PRIM2: variants seen among roughly 807,000 people sequenced by gnomAD.
The protein encoded by PRIM2 is DNA primase large subunit.
In PRIM2, 39 loss-of-function variants were observed where a neutral mutation model predicts 67.3. That is an observed-to-expected ratio of 0.58 (90% CI 0.45 to 0.76). PRIM2 has a LOEUF of 0.76. Among genes scored for constraint, PRIM2 ranks in the 30% least tolerant of loss-of-function variants. PRIM2 has a pLI of 0.00. For synonymous variants in PRIM2, 143 were observed against 198.7 expected (o/e 0.72, Z 2.36); for missense variants, 398 against 598.7 (o/e 0.66, Z 3.50).
intron 8 of PRIM2, among the ~76,000 whole-genome samples, chr6:57,530,286 A>G (rs1774858565): frequency 1.3e-5 from 2 of 152,242 alleles, no homozygotes; most frequent in African/African-American, 4.8e-5. Context: ...TAGAGAAGTG[A>G]CATGGCAAAG....
At chr6:57,312,437 G>A (rs1003331402), upstream of PRIM2, among the ~76,000 whole-genome samples, 2 of 152,024 alleles carry the variant, frequency 1.3e-5, no homozygotes, top group Non-Finnish European at 2.9e-5. Flanking sequence ...AGGAGGTGGA[G>A]GCTGCAGTGG....
chr6:57,454,312 A>G (rs1406155301), intron 7 of PRIM2, among the ~76,000 whole-genome samples: 1 of 152,194 alleles, frequency 6.6e-6, no homozygotes, highest in South Asian at 2.1e-4. Context: ...AAAATGAGTT[A>G]GGGAGGATTC....
At chr6:57,595,496 T>A (rs1188971771) in intron 10 of PRIM2, among the ~76,000 whole-genome samples, 3 of 151,544 alleles carry the variant, frequency 2.0e-5, no homozygotes, top group Admixed American at 1.3e-4. Flanking sequence ...GAGCTCAGTC[T>A]CACAAGACTG....
intron 7 of PRIM2, among the ~76,000 whole-genome samples, chr6:57,489,322 C>CG (rs1773824344): frequency 6.6e-6 from 1 of 152,154 alleles, no homozygotes; most frequent in Non-Finnish European, 1.5e-5. Context: ...TTTGGGAGGC[C>CG]AGCGCAGGCA....
chr6:57,632,865 G>T (rs1236168789), intron 13 of PRIM2, among the ~76,000 whole-genome samples: 1 of 152,156 alleles, frequency 6.6e-6, no homozygotes, highest in Non-Finnish European at 1.5e-5. Context: ...GATTGCATAT[G>T]GACCCCTAAC....
At chr6:57,596,784 C>A (rs1776375534) in intron 10 of PRIM2, among the ~76,000 whole-genome samples, 1 of 151,482 alleles carries the variant, frequency 6.6e-6, no homozygotes, top group Non-Finnish European at 1.5e-5. Context: ...CTTTTATTAT[C>A]TTTTAATGTA....
chr6:57,431,044 T>G (rs1480242030), intron 7 of PRIM2, among the ~76,000 whole-genome samples: 1 of 152,198 alleles, frequency 6.6e-6, no homozygotes, highest in African/African-American at 2.4e-5. Context: ...TTTTAGGTTA[T>G]ATAATTTTAG....
At chr6:57,587,580 C>T (rs1282096210) in intron 10 of PRIM2, among the ~76,000 whole-genome samples, 4 of 130,916 alleles carry the variant, frequency 3.1e-5, no homozygotes, top group Non-Finnish European at 6.2e-5. Flanking sequence ...AGGAGAAAGG[C>T]GTGAACTCGG....
intron 8 of PRIM2, among the ~76,000 whole-genome samples, chr6:57,524,556 C>T (rs1463703186): frequency 1.3e-5 from 2 of 152,018 alleles, no homozygotes; most frequent in Non-Finnish European, 2.9e-5. Context: ...ACAAAATTAG[C>T]CAGGCATGGT....
chr6:57,478,844 G>C (rs1773545984), intron 7 of PRIM2, among the ~76,000 whole-genome samples: 1 of 152,132 alleles, frequency 6.6e-6, no homozygotes, highest in South Asian at 2.1e-4. Context: ...ACGATACTCT[G>C]GTTAAAGATT....
intron 7 of PRIM2, among the ~76,000 whole-genome samples, chr6:57,436,366 G>T (rs1772014262): frequency 6.6e-6 from 1 of 152,172 alleles, no homozygotes; most frequent in African/African-American, 2.4e-5. Context: ...TTTGTCAGTT[G>T]TCACACTTTG....
At chr6:57,297,857 C>A in the PRIM2 span, among the ~76,000 whole-genome samples, 4 of 152,178 alleles carry the variant, frequency 2.6e-5, no homozygotes, top group African/African-American at 4.8e-5. Context: ...ATAGCAGGGA[C>A]ATGAAAGACA....
chr6:57,432,843 A>G (rs1022260706), intron 7 of PRIM2, among the ~76,000 whole-genome samples: 3 of 152,256 alleles, frequency 2.0e-5, no homozygotes, highest in African/African-American at 7.2e-5. Context: ...GTTAAGCTGT[A>G]TTAGCAGAAT....
At position 57,598,610 on chromosome 6, in the gene PRIM2, G is replaced by A. The variant is rs1287832579; in HGVS notation, c.1021-2483G>A. The stretch of plus-strand genomic sequence containing the variant: ...TTAGAAAATCATCAACCAAGGGCCC[G>A]GCATAGTGGCTCACATCTGCAATCC... On this transcript the variant is annotated intron_variant, in intron 10 of 13. Transcript: ENST00000615550. 9.9e-5 allele frequency among the ~76,000 whole-genome samples: 15 copies of A among 152,184 alleles called. No homozygotes were observed. In the South Asian group the frequency reaches 1.9e-3, roughly 19 times the overall value.
the PRIM2 span, among the ~76,000 whole-genome samples, chr6:57,241,006 C>A: frequency 6.6e-6 from 1 of 151,788 alleles, no homozygotes; most frequent in Non-Finnish European, 1.5e-5. Flanking sequence ...GGGCAGATCA[C>A]GAGGTCAGGA....
chr6:57,304,251 A>G, the PRIM2 span, among the ~76,000 whole-genome samples: 1 of 152,232 alleles, frequency 6.6e-6, no homozygotes, highest in Non-Finnish European at 1.5e-5. Flanking sequence ...AGGAAATTAT[A>G]ATAAAATGAA....
chr6:57,241,551 A>C, the PRIM2 span, among the ~76,000 whole-genome samples: 7 of 152,090 alleles, frequency 4.6e-5, no homozygotes, highest in Admixed American at 3.3e-4. Flanking sequence ...CAGTATTAGC[A>C]AGGATAGAAA....
chr6:57,634,722 T>G (rs1224190621), intron 13 of PRIM2, among the ~76,000 whole-genome samples: 2 of 152,248 alleles, frequency 1.3e-5, no homozygotes, highest in Non-Finnish European at 2.9e-5. Flanking sequence ...GTGGTTTTTA[T>G]TTCTCAAATC....
rs1189305044 is a variant in PRIM2 at position 57,646,036 on chromosome 6, A to C, written c.1408A>C (p.Thr470Pro). The C allele has an allele frequency of 1.1e-5, 18 of 1,602,780 alleles. No individual in the cohort carries two copies. The highest frequency in any genetic ancestry group is 1.3e-5 in the Non-Finnish European group (15 of 1,169,840). The part of the protein sequence containing the change: ...DIKKEPIQPE[T>P]PQPKPSVQKT... Reference sequence around the variant, plus strand: ...AAAGAAGGAACCTATCCAACCAGAAACTCCTCAACCCAAACCAAGTGTCCA... The same window carrying C: ...AAAGAAGGAACCTATCCAACCAGAACCTCCTCAACCCAAACCAAGTGTCCA... The change falls in exon 14 of 14, where the codon ACT becomes CCT. Residue 470 changes from threonine (T) to proline (P), a missense_variant. This residue lies in a region of PRIM2 where 72 missense variants were observed against 89.4 expected (regional missense o/e 0.81). Transcript: ENST00000615550.
Sources: gnomAD v4.1 joint callset for allele counts (sites outside exome capture counted in the v4.1 genomes callset) on GRCh38, gnomAD v4.1.1 for gene constraint, gnomAD v4.1.1 regional missense constraint, MANE v1.5 for transcripts, NCBI Gene and HGNC (gene_info 2026-07-23, HGNC 2026-07-21) for gene names.